The following C12orf42 variants were observed in gnomAD, a reference collection of about 807,000 sequenced individuals.
C12orf42 encodes the protein uncharacterized protein C12orf42.
C12orf42 carries 25 observed loss-of-function variants against 21.6 expected under a neutral mutation model. That is an observed-to-expected ratio of 1.16 (90% CI 0.84 to 1.62). C12orf42 has a LOEUF of 1.62. Ranked by LOEUF, C12orf42 falls within the 40% of genes most tolerant of loss-of-function variation. The pLI, the probability that C12orf42 is intolerant of heterozygous loss-of-function variation, is 0.00. For missense variants in C12orf42, 483 were observed against 459.3 expected, an observed-to-expected ratio of 1.05 and a Z score of -0.47; for synonymous variants, 174 against 175.0, an observed-to-expected ratio of 0.99 and a Z score of 0.05.
At chr12:103,435,525 A>G (rs1465792109) in intron 2 of C12orf42, among the ~76,000 whole-genome samples, 1 of 152,192 alleles carries the variant, frequency 6.6e-6, no homozygotes, top group African/African-American at 2.4e-5. Context: ...ATAATGTATA[A>G]CTAGAATAAC....
chr12:103,146,256 G>A, the C12orf42 span, among the ~76,000 whole-genome samples: 2 of 152,002 alleles, frequency 1.3e-5, no homozygotes, highest in South Asian at 4.2e-4. Context: ...CAAGGCGGGT[G>A]GATCACTTGA....
chr12:103,184,583 A>G, the C12orf42 span, among the ~76,000 whole-genome samples: 1 of 152,128 alleles, frequency 6.6e-6, no homozygotes. Context: ...AGTGCTCTGT[A>G]TATGAGAAAC....
chr12:103,502,431 G>T, the C12orf42 span, among the ~76,000 whole-genome samples: 2 of 152,148 alleles, frequency 1.3e-5, no homozygotes, highest in African/African-American at 4.8e-5. Context: ...GAATGGTGTG[G>T]TTTGGACACT....
At chr12:103,258,472 C>G (rs1404717288) in intron 10 of C12orf42, among the ~76,000 whole-genome samples, 3 of 151,890 alleles carry the variant, frequency 2.0e-5, no homozygotes, top group African/African-American at 7.2e-5. Context: ...CAAGCCAACA[C>G]AATAGGGCAA....
the C12orf42 span, among the ~76,000 whole-genome samples, chr12:103,210,863 T>C: frequency 6.6e-6 from 1 of 151,816 alleles, no homozygotes; most frequent in Non-Finnish European, 1.5e-5. Context: ...TGGTGGCATG[T>C]GCCTGTAGTC....
At chr12:103,148,633 GTA>G in the C12orf42 span, among the ~76,000 whole-genome samples, 44,731 of 151,880 alleles carry the variant, frequency 0.29, 7,628 homozygotes, top group African/African-American at 0.46. Flanking sequence ...TGAGTAAAAT[GTA>G]ATATCTTAGA....
chr12:103,386,918 G>A (rs2046657937), intron 3 of C12orf42, among the ~76,000 whole-genome samples: 1 of 152,076 alleles, frequency 6.6e-6, no homozygotes, highest in African/African-American at 2.4e-5. Context: ...AGTTAGCATG[G>A]ACAGTCCCGT....
chr12:103,159,220 C>A, the C12orf42 span, among the ~76,000 whole-genome samples: 20 of 152,290 alleles, frequency 1.3e-4, no homozygotes, highest in African/African-American at 4.6e-4. Context: ...GCATTATAGA[C>A]AAACTTCTAT....
the C12orf42 span, among the ~76,000 whole-genome samples, chr12:103,223,883 G>A: frequency 1.3e-5 from 2 of 152,206 alleles, no homozygotes; most frequent in Non-Finnish European, 1.5e-5. Context: ...TTGGTGAGGT[G>A]TGTTTTTAAA....
At chr12:103,254,949 A>G (rs1449011153) in intron 10 of C12orf42, among the ~76,000 whole-genome samples, 2 of 152,190 alleles carry the variant, frequency 1.3e-5, no homozygotes, top group Non-Finnish European at 2.9e-5. Context: ...TAAATTATAA[A>G]TGTTTCATGC....
the C12orf42 span, among the ~76,000 whole-genome samples, chr12:103,522,716 C>T: frequency 2.5e-3 from 374 of 152,332 alleles, 1 homozygote; most frequent in Non-Finnish European, 1.4e-3. Context: ...TTGCCCTCAA[C>T]AGTAACCAGC....
At chr12:103,252,438 CA>C (rs1565995683) in intron 10 of C12orf42, among the ~76,000 whole-genome samples, 1 of 152,166 alleles carries the variant, frequency 6.6e-6, no homozygotes, top group Non-Finnish European at 1.5e-5. Flanking sequence ...TATTTCTCCA[CA>C]TCCTCCCCAT....
At chr12:103,508,188 A>G in the C12orf42 span, among the ~76,000 whole-genome samples, 1 of 152,242 alleles carries the variant, frequency 6.6e-6, no homozygotes, top group Non-Finnish European at 1.5e-5. Flanking sequence ...GGTATAAAGT[A>G]CATTTTCAAC....
downstream of C12orf42, among the ~76,000 whole-genome samples, chr12:103,237,071 A>G (rs935065701): frequency 1.1e-4 from 16 of 152,188 alleles, no homozygotes; most frequent in South Asian, 2.3e-3. Flanking sequence ...ACAAATGTCA[A>G]TATTTCTTAA....
chr12:103,376,983 A>T (rs1164921731), intron 3 of C12orf42, among the ~76,000 whole-genome samples: 1 of 151,234 alleles, frequency 6.6e-6, no homozygotes, highest in African/African-American at 2.4e-5. Flanking sequence ...GCTTCCTTTA[A>T]CTTATCTTTT....
intron 10 of C12orf42, among the ~76,000 whole-genome samples, chr12:103,261,659 TTTAAC>T (rs940904208): frequency 6.6e-6 from 1 of 152,020 alleles, no homozygotes. Flanking sequence ...TTAAAAAATA[TTTAAC>T]TTAATTATAT....
the C12orf42 span, among the ~76,000 whole-genome samples, chr12:103,104,686 G>C: frequency 6.6e-6 from 1 of 152,160 alleles, no homozygotes; most frequent in East Asian, 1.9e-4. Context: ...TGATCCACCT[G>C]CCTCCCAAAG....
intron 10 of C12orf42, among the ~76,000 whole-genome samples, chr12:103,249,841 C>A (rs896306955): frequency 2.1e-4 from 32 of 152,076 alleles, no homozygotes; most frequent in African/African-American, 7.5e-4. Flanking sequence ...GCAAACCAGT[C>A]AATCCTTAGA....
At chr12:103,437,112 C>T (rs573990536) in intron 2 of C12orf42, among the ~76,000 whole-genome samples, 171 of 151,606 alleles carry the variant, frequency 1.1e-3, no homozygotes, top group African/African-American at 3.5e-3. Flanking sequence ...CGCTCAAAAC[C>T]GCTCAACTAC....
Sources: gnomAD v4.1 joint callset for allele counts (sites outside exome capture counted in the v4.1 genomes callset) on GRCh38, gnomAD v4.1.1 for gene constraint, MANE v1.5 for transcripts, NCBI Gene and HGNC (gene_info 2026-07-23, HGNC 2026-07-21) for gene names.